The following PPP1R12B variants were observed in gnomAD, a reference collection of about 807,000 sequenced individuals.
PPP1R12B encodes the protein protein phosphatase 1 regulatory subunit 12B, also known as myosin phosphatase target subunit 2.
Under a neutral mutation model 126.1 loss-of-function variants are expected in PPP1R12B, and 76 were observed. The observed-to-expected ratio is 0.60, with a 90% CI of 0.50 to 0.73. The LOEUF (loss-of-function observed/expected upper bound fraction) is 0.73, where lower values mean the gene tolerates loss of function less well. Ranked by LOEUF, PPP1R12B falls within the 30% of genes least tolerant of loss-of-function variation. The probability of loss-of-function intolerance (pLI) is 0.00; values close to 1 mark genes in which losing one functional copy is unlikely to be tolerated. For missense variants in PPP1R12B, 1,052 were observed against 1,205.1 expected, an observed-to-expected ratio of 0.87 and a Z score of 1.88; for synonymous variants, 356 against 434.7, an observed-to-expected ratio of 0.82 and a Z score of 2.25.
intron 14 of PPP1R12B, among the ~76,000 whole-genome samples, 187 bp downstream of exon 14, chr1:202,488,810 C>T (rs917259493): frequency 1.3e-5 from 2 of 152,046 alleles, no homozygotes; most frequent in Admixed American, 1.3e-4. Flanking sequence ...GAGTTGAGAC[C>T]AGGAGCATTC....
intron 12 of PPP1R12B, among the ~76,000 whole-genome samples, chr1:202,447,269 T>C (rs1672405956): frequency 6.6e-6 from 1 of 152,222 alleles, no homozygotes; most frequent in African/African-American, 2.4e-5. Context: ...ACGAGGAAAC[T>C]CAGACCAAAT....
At chr1:202,458,704 A>C (rs1205749298) in intron 13 of PPP1R12B, among the ~76,000 whole-genome samples, 1 of 152,234 alleles carries the variant, frequency 6.6e-6, no homozygotes, top group Non-Finnish European at 1.5e-5. Context: ...AAAACAGCTA[A>C]ATTTTCCTTC....
Position 202,380,599 on chromosome 1 carries a change from A to AC in PPP1R12B, c.291+31465dup, listed in dbSNP as rs574576114. 6.1e-3 allele frequency among the ~76,000 whole-genome samples: 918 copies of AC among 150,112 alleles called. 5 individuals are homozygous for AC. Among genetic ancestry groups the AC allele is most frequent in the East Asian group, 0.011 (56 of 5,088 alleles). On this transcript the variant is annotated intron_variant, in intron 1 of 23. Transcript: ENST00000608999. ...AGCCCTGAAGCTTTATATTCTCAAC[A>AC]CCCCCCCCATTCCTTGGCTCTGTCT...
At position 202,442,563 on chromosome 1, in the gene PPP1R12B, AC is replaced by A; in HGVS notation, c.1659del (p.Leu554Ter). On this transcript the variant is annotated frameshift_variant, in exon 12 of 24. Transcript: ENST00000608999. LOFTEE classifies it high-confidence loss of function. ...TIAPSTYVST[Y>X]LKRTPHKSQA... ...GCTCCCTCCACCTATGTATCAACTT[AC>A]TTGAAAAGGTACCAGGCTCAAAGGG... 6.2e-7 allele frequency: 1 copy of A among 1,611,780 alleles called. No homozygotes were observed. The highest frequency in any genetic ancestry group is 2.2e-5 in the East Asian group (1 of 44,814).
chr1:202,575,298 G>C, intron 23 of PPP1R12B: 1 of 1,089,826 alleles, frequency 9.2e-7, no homozygotes, highest in Non-Finnish European at 1.3e-6. Flanking sequence ...AGCCAGGACT[G>C]AGATCATAGA....
intron 18 of PPP1R12B, among the ~76,000 whole-genome samples, chr1:202,520,497 G>A (rs540774722): frequency 6.6e-6 from 1 of 152,346 alleles, no homozygotes; most frequent in Admixed American, 6.5e-5. Context: ...TTACAGTAAA[G>A]TCTGCTGCTG....
intron 22 of PPP1R12B, among the ~76,000 whole-genome samples, chr1:202,568,227 C>G (rs1688246060): frequency 6.6e-6 from 1 of 151,972 alleles, no homozygotes; most frequent in South Asian, 2.1e-4. Flanking sequence ...TTTTCATAAC[C>G]TTGAACAGAA....
intron 18 of PPP1R12B, among the ~76,000 whole-genome samples, chr1:202,556,641 C>T (rs1686976182): frequency 6.6e-6 from 1 of 152,102 alleles, no homozygotes; most frequent in South Asian, 2.1e-4. Context: ...AATGGGTTAC[C>T]ACTGTTATCT....
intron 3 of PPP1R12B, 99 bp from the exon 4 acceptor site, chr1:202,425,467 G>C: frequency 7.8e-7 from 1 of 1,289,634 alleles, no homozygotes; most frequent in Non-Finnish European, 1.1e-6. Flanking sequence ...ATTGTTATTT[G>C]TATTTATGTT....
intron 14 of PPP1R12B, among the ~76,000 whole-genome samples, chr1:202,489,723 G>T (rs1421562602): frequency 6.6e-6 from 1 of 152,188 alleles, no homozygotes; most frequent in African/African-American, 2.4e-5. Context: ...TGAGTATGTG[G>T]TTTCTTTTTG....
At chr1:202,488,691 A>G in intron 14 of PPP1R12B, 68 bp downstream of exon 14, 1 of 1,300,364 alleles carries the variant, frequency 7.7e-7, no homozygotes, top group Non-Finnish European at 1.1e-6. Flanking sequence ...CAATCAAAAC[A>G]CACTGCAATA....
chr1:202,391,572 G>A, intron 1 of PPP1R12B, among the ~76,000 whole-genome samples: 1 of 148,992 alleles, frequency 6.7e-6, no homozygotes, highest in South Asian at 2.1e-4. Flanking sequence ...CAGGTGTATT[G>A]AAGATAAATG....
chr1:202,562,083 A>G (rs1687588795), intron 19 of PPP1R12B, among the ~76,000 whole-genome samples: 1 of 152,228 alleles, frequency 6.6e-6, no homozygotes, highest in South Asian at 2.1e-4. Context: ...TAAACAGGTA[A>G]TCAGCTGAGA....
intron 1 of PPP1R12B, among the ~76,000 whole-genome samples, chr1:202,367,592 C>T (rs1431865632): frequency 6.6e-6 from 1 of 152,212 alleles, no homozygotes; most frequent in Non-Finnish European, 1.5e-5. Context: ...GTTTTTCCTT[C>T]TGCCTGGAAT....
intron 1 of PPP1R12B, among the ~76,000 whole-genome samples, chr1:202,411,797 T>C (rs1474361770): frequency 6.6e-6 from 1 of 152,178 alleles, no homozygotes; most frequent in South Asian, 2.1e-4. Flanking sequence ...TCAGCAGAGC[T>C]GGTTTGCAAG....
chr1:202,510,056 A>G (rs573545860), intron 18 of PPP1R12B, among the ~76,000 whole-genome samples: 4 of 152,228 alleles, frequency 2.6e-5, no homozygotes, highest in Non-Finnish European at 5.9e-5. Context: ...TTTATAGAAT[A>G]TGTACTTTTA....
chr1:202,354,500 T>C (rs1464341228), intron 1 of PPP1R12B, among the ~76,000 whole-genome samples: 1 of 152,298 alleles, frequency 6.6e-6, no homozygotes, highest in East Asian at 1.9e-4. Flanking sequence ...GTCCAGGAAC[T>C]GGAGTTGCAG....
At chr1:202,553,720 T>C (rs1217557874) in intron 18 of PPP1R12B, among the ~76,000 whole-genome samples, 1 of 152,070 alleles carries the variant, frequency 6.6e-6, no homozygotes, top group Non-Finnish European at 1.5e-5. Flanking sequence ...CCCTAAGCCT[T>C]GTGTTCTAGG....
intron 18 of PPP1R12B, among the ~76,000 whole-genome samples, chr1:202,500,218 G>GCTCT (rs151303629): frequency 0.29 from 42,500 of 146,072 alleles, 6,953 homozygotes; most frequent in Non-Finnish European, 0.38. Flanking sequence ...TCTCTCTCTT[G>GCTCT]CTCTCTCTCT....
Sources: gnomAD v4.1 joint callset for allele counts (sites outside exome capture counted in the v4.1 genomes callset) on GRCh38, gnomAD v4.1.1 for gene constraint, MANE v1.5 for transcripts, NCBI Gene and HGNC (gene_info 2026-07-23, HGNC 2026-07-21) for gene names.